ORC5: variants seen among roughly 807,000 people sequenced by gnomAD.
ORC5 encodes protein phosphatase 1, regulatory subunit 117.
In ORC5, 39 loss-of-function variants were observed where a neutral mutation model predicts 58.8. That is an observed-to-expected ratio of 0.66 (90% CI 0.51 to 0.87). The LOEUF (loss-of-function observed/expected upper bound fraction) is 0.87. Ranked by LOEUF, ORC5 falls within the 40% of genes least tolerant of loss-of-function variation. The pLI, the probability that ORC5 is intolerant of heterozygous loss-of-function variation, is 0.00. For synonymous variants in ORC5, 218 were observed against 177.6 expected, an observed-to-expected ratio of 1.23 and a Z score of -1.81; for missense variants, 493 against 506.3, an observed-to-expected ratio of 0.97 and a Z score of 0.25.
intron 12 of ORC5, among the ~76,000 whole-genome samples, chr7:104,151,469 A>G (rs1299976784): frequency 6.6e-6 from 1 of 152,090 alleles, no homozygotes; most frequent in Non-Finnish European, 1.5e-5. Context: ...GAGACGGTTC[A>G]GAGATAATTT....
At position 104,165,260 on chromosome 7, in the gene ORC5, G is replaced by A; in HGVS notation, c.1013C>T (p.Thr338Ile). 1 of 1,526,096 alleles carries A rather than the reference G, an allele frequency of 6.6e-7. No individual in the cohort carries two copies. The highest frequency in any genetic ancestry group is 9.0e-7 in the Non-Finnish European group (1 of 1,115,292). The allele number at this position is 1,526,096 out of a possible 1,614,324, so 94.5% of individuals were successfully genotyped here. A position where few individuals can be genotyped will look rare whatever the true frequency, so the allele number is the denominator to read the frequency against. ...CTTTTCGTGTTTTTTTAGAAAGTTG[G>A]TTTTCTTGATTTTTCCATGATGCTG... is the stretch of plus-strand genomic sequence containing the variant. ...FLKHHGKIKK[T>I]NFLKKHEKTS... Residue 338 changes from threonine to isoleucine, a missense_variant, in exon 11 of 14, where the codon ACC becomes ATC. Coordinates refer to ENST00000297431, the MANE Select transcript of ORC5 (RefSeq NM_002553.4).
Position 104,191,593 on chromosome 7 carries a change from CCTCA to C in ORC5, c.554-3216_554-3213del, listed in dbSNP as rs138060712. ...ATGAAAGTCTTATAAGAATAGGAATCCTCACTGTGTTGCTGTAAAAGTAACCTAG... is the reference window on the plus strand; with the variant it reads ...ATGAAAGTCTTATAAGAATAGGAATCCTGTGTTGCTGTAAAAGTAACCTAG... On this transcript the variant is annotated intron_variant, in intron 5 of 13. Coordinates refer to ENST00000297431, the MANE Select transcript of ORC5 (RefSeq NM_002553.4). Among the ~76,000 whole-genome samples the C allele has an allele frequency of 7.2e-3, 1,091 of 152,166 alleles. 12 individuals are homozygous for C. The highest frequency in any genetic ancestry group is 0.025 in the African/African-American group (1,055 of 41,510).
chr7:104,188,989 C>A (rs534747292), intron 5 of ORC5, among the ~76,000 whole-genome samples: 1 of 152,158 alleles, frequency 6.6e-6, no homozygotes, highest in East Asian at 1.9e-4. Context: ...GCCTGTACAG[C>A]CCACAGACTG....
In ORC5 at chr7:104,136,846, G is replaced by T; in HGVS notation, c.1197C>A (p.Asp399Glu). ...TGTATTTTGGTCCATCAAGCTGATCGTCATGGCCAACCAGGGTTAACAGCT... is the reference window on the plus strand; with the variant it reads ...TGTATTTTGGTCCATCAAGCTGATCTTCATGGCCAACCAGGGTTAACAGCT... ...TLQLLTLVGHDDQLDGPKYKC... is the reference protein window; with the variant it reads ...TLQLLTLVGHEDQLDGPKYKC... The change falls in exon 13 of 14, where the codon GAC (aspartate) becomes GAA (glutamate). Residue 399 changes from aspartate to glutamate, a missense_variant. Asp to Glu is a conservative substitution (Grantham distance 45). Coordinates refer to ENST00000297431, the MANE Select transcript of ORC5 (RefSeq NM_002553.4). The surrounding 1 kb of genome is among the most constrained non-coding windows in gnomAD (Gnocchi z 4.2). The T allele has an allele frequency of 6.2e-7, 1 of 1,613,946 alleles. No individual in the cohort carries two copies. The highest frequency in any genetic ancestry group is 1.1e-5 in the South Asian group (1 of 91,082).
intron 12 of ORC5, among the ~76,000 whole-genome samples, chr7:104,153,074 A>C (rs892052008): frequency 2.6e-5 from 4 of 152,220 alleles, no homozygotes; most frequent in African/African-American, 9.6e-5. Flanking sequence ...CAAGAAAAAC[A>C]ATCTTTTATC....
intron 12 of ORC5, among the ~76,000 whole-genome samples, chr7:104,158,232 A>C (rs1168679298): frequency 6.6e-6 from 1 of 152,076 alleles, no homozygotes; most frequent in African/African-American, 2.4e-5. Context: ...CAGCCTTAAG[A>C]AAGTATTTAA....
intron 4 of ORC5, among the ~76,000 whole-genome samples, chr7:104,196,893 G>A (rs6949887): frequency 0.097 from 14,717 of 151,904 alleles, 1,161 homozygotes; most frequent in African/African-American, 0.22. Context: ...TTATGAATAC[G>A]GTGAATATGG....
At chr7:104,160,631 G>A (rs3823979) in intron 12 of ORC5, among the ~76,000 whole-genome samples, 64,178 of 151,470 alleles carry the variant, frequency 0.42, 16,009 homozygotes, top group Non-Finnish European at 0.57. Context: ...TAATTATTCT[G>A]GAAAACAGCA....
chr7:104,207,235 T>C (rs1800110952), intron 1 of ORC5, among the ~76,000 whole-genome samples: 1 of 152,168 alleles, frequency 6.6e-6, no homozygotes, highest in South Asian at 2.1e-4. Context: ...CTCTGCCTAT[T>C]GAAAGGACTC....
At position 104,137,349 on chromosome 7, in the gene ORC5, G is replaced by A. The variant is rs190150351; in HGVS notation, c.1150-456C>T. On this transcript the variant is annotated intron_variant, in intron 12 of 13. Transcript: ENST00000297431. Reference sequence around the variant, plus strand: ...TGTCCAGGCTGGTCCTGAACTCCTCGCTTTGTGATTCTCCTGCCTTGGCCT... The same window carrying A: ...TGTCCAGGCTGGTCCTGAACTCCTCACTTTGTGATTCTCCTGCCTTGGCCT... Among the ~76,000 whole-genome samples, 216 of 151,752 alleles carry A rather than the reference G, an allele frequency of 1.4e-3. 1 individual carries two copies. Among genetic ancestry groups the A allele is most frequent in the Non-Finnish European group, 1.6e-3 (112 of 67,954 alleles).
intron 12 of ORC5, among the ~76,000 whole-genome samples, chr7:104,146,370 A>G (rs1277642737): frequency 2.0e-5 from 3 of 152,002 alleles, no homozygotes; most frequent in African/African-American, 7.3e-5. Context: ...TGTTCCTAAC[A>G]GCTTTAATTG....
intron 5 of ORC5, among the ~76,000 whole-genome samples, chr7:104,192,827 T>G (rs1473914765): frequency 2.0e-5 from 3 of 151,444 alleles, no homozygotes; most frequent in Admixed American, 6.6e-5. Flanking sequence ...TAATGAAATA[T>G]TCTACAGGAT....
chr7:104,169,051 C>T (rs532712848), intron 8 of ORC5, among the ~76,000 whole-genome samples: 15 of 152,296 alleles, frequency 9.8e-5, no homozygotes, highest in African/African-American at 2.9e-4. Flanking sequence ...CACTGCACTC[C>T]AGCCTGGGCG....
intron 12 of ORC5, among the ~76,000 whole-genome samples, chr7:104,153,743 A>C (rs1798880915): frequency 6.6e-6 from 1 of 152,166 alleles, no homozygotes; most frequent in Non-Finnish European, 1.5e-5. Context: ...TTTAATGTCT[A>C]TAAAGATAAT....
intron 3 of ORC5, among the ~76,000 whole-genome samples, chr7:104,199,624 T>A (rs1244124210): frequency 6.6e-6 from 1 of 152,262 alleles, no homozygotes; most frequent in African/African-American, 2.4e-5. Context: ...CTCCATTGTA[T>A]CTAGAAAGTA....
At chr7:104,207,154 T>C (rs546317421) in intron 1 of ORC5, among the ~76,000 whole-genome samples, 1 of 152,264 alleles carries the variant, frequency 6.6e-6, no homozygotes, top group Admixed American at 6.5e-5. Flanking sequence ...TGAGTCTGAA[T>C]CAAAAAGCAC....
chr7:104,162,317 C>T (rs1799038517), intron 11 of ORC5, among the ~76,000 whole-genome samples: 1 of 152,168 alleles, frequency 6.6e-6, no homozygotes, highest in South Asian at 2.1e-4. Context: ...GGATTACAGG[C>T]ATGCACTGCC....
chr7:104,130,875 C>G (rs1332666901), intron 13 of ORC5, among the ~76,000 whole-genome samples: 3 of 152,224 alleles, frequency 2.0e-5, no homozygotes, highest in African/African-American at 4.8e-5. Context: ...TAGCCCCCGA[C>G]TGGCTTTACT....
chr7:104,184,265 G>A, intron 6 of ORC5, 94 bp from the exon 7 acceptor site: 1 of 748,268 alleles, frequency 1.3e-6, no homozygotes, highest in Non-Finnish European at 2.0e-6. Flanking sequence ...TGCAGTTCAG[G>A]AAATTTTACT....
Sources: gnomAD v4.1 joint callset for allele counts (sites outside exome capture counted in the v4.1 genomes callset) on GRCh38, gnomAD v4.1.1 for gene constraint, Gnocchi (gnomAD v3.1) non-coding constraint, MANE v1.5 for transcripts, NCBI Gene and HGNC (gene_info 2026-07-23, HGNC 2026-07-21) for gene names.